The following PCSK5 variants were observed in gnomAD, a reference collection of about 807,000 sequenced individuals.
PCSK5 encodes proprotein convertase subtilisin/kexin type 5, also known as prohormone convertase 5.
In PCSK5, 129 loss-of-function variants were observed where a neutral mutation model predicts 233.2. The ratio of observed to expected loss-of-function variants is 0.55; its 90% CI spans 0.48 to 0.64. PCSK5 has a LOEUF of 0.64. Among genes scored for constraint, PCSK5 ranks in the 30% least tolerant of loss-of-function variants. The probability of loss-of-function intolerance (pLI) is 0.00; values close to 1 mark genes in which losing one functional copy is unlikely to be tolerated. For synonymous variants in PCSK5, 825 were observed against 879.2 expected (o/e 0.94, Z 1.09); for missense variants, 2,076 against 2,430.1 (o/e 0.85, Z 3.06).
Position 76,284,618 on chromosome 9 carries a change from C to T in PCSK5, c.3143-7615C>T, listed in dbSNP as rs554666492. Among the ~76,000 whole-genome samples the T allele has an allele frequency of 2.0e-4, 30 of 151,086 alleles. No individual in the cohort carries two copies. In the East Asian group the frequency reaches 2.1e-3, roughly 11 times the overall value. ...CGCGATCTCAGCTCACTGCAACCTC[C>T]GCCTCCTGGGTTCAAGTGATTCTCC... On this transcript the variant is annotated intron_variant, in intron 24 of 37. Transcript: ENST00000674117.
intron 9 of PCSK5, among the ~76,000 whole-genome samples, chr9:76,132,568 G>A (rs982702669): frequency 1.3e-5 from 2 of 152,038 alleles, no homozygotes; most frequent in African/African-American, 2.4e-5. Context: ...CAGAAAAAGT[G>A]TCAGAACTCA....
intron 20 of PCSK5, among the ~76,000 whole-genome samples, chr9:76,199,777 AATATATATAG>A (rs1418454340): frequency 6.6e-6 from 1 of 152,064 alleles, no homozygotes; most frequent in East Asian, 1.9e-4. Flanking sequence ...TGACTCTTAA[AATATATATAG>A]ATTCCTGATC....
In PCSK5 at chr9:76,358,724, C is replaced by T; in HGVS notation, c.5466C>T (p.Ser1822=). The T allele has an allele frequency of 6.2e-7, 1 of 1,612,818 alleles. No individual in the cohort carries two copies. Among genetic ancestry groups the T allele is most frequent in the Non-Finnish European group, 8.5e-7 (1 of 1,179,856 alleles). The change falls in exon 38 of 38, where the codon AGC becomes AGT. Residue 1822 remains serine (S), a synonymous_variant. Coordinates refer to ENST00000674117, the MANE Select transcript of PCSK5 (RefSeq NM_001372043.1). ...PNKSYSSYKS[S]YRESTSFEED... is the part of the protein sequence containing the mutation. ...AGTCTTACTCCTCCTATAAGAGCAG[C>T]TATAGAGAGAGCACCAGCTTTGAAG...
chr9:76,324,029 G>A (rs940883607), intron 32 of PCSK5, among the ~76,000 whole-genome samples: 7 of 150,984 alleles, frequency 4.6e-5, no homozygotes, highest in Admixed American at 4.6e-4. Context: ...GGGTTCAAGC[G>A]ATTTGCCTGC....
chr9:76,108,773 C>T (rs777105562), intron 9 of PCSK5, among the ~76,000 whole-genome samples: 9 of 152,116 alleles, frequency 5.9e-5, no homozygotes, highest in Non-Finnish European at 1.0e-4. Context: ...AAGAATCATG[C>T]TAGTTCATTC....
chr9:75,937,653 T>C (rs1297665685), intron 2 of PCSK5, among the ~76,000 whole-genome samples: 5 of 152,274 alleles, frequency 3.3e-5, no homozygotes, highest in Admixed American at 3.3e-4. Context: ...AGGTGGCATC[T>C]TCTTTCAACA....
At chr9:75,928,463 TTTC>T (rs1175762931) in intron 1 of PCSK5, among the ~76,000 whole-genome samples, 3 of 151,732 alleles carry the variant, frequency 2.0e-5, no homozygotes, top group African/African-American at 7.3e-5. Context: ...TTGTGACATT[TTTC>T]TTCTTAATAT....
At chr9:76,327,458 G>A (rs957783796) in intron 32 of PCSK5, among the ~76,000 whole-genome samples, 8 of 152,160 alleles carry the variant, frequency 5.3e-5, no homozygotes, top group African/African-American at 1.9e-4. Flanking sequence ...GAAGATAATT[G>A]TTATTTTCTT....
chr9:75,900,043 G>A (rs1191714437), intron 1 of PCSK5, among the ~76,000 whole-genome samples: 1 of 152,132 alleles, frequency 6.6e-6, no homozygotes, highest in Non-Finnish European at 1.5e-5. Context: ...CAGGTTGTGG[G>A]GCAGTAGAGA....
At chr9:75,893,563 T>C (rs1450454145) in intron 1 of PCSK5, among the ~76,000 whole-genome samples, 1 of 152,168 alleles carries the variant, frequency 6.6e-6, no homozygotes, top group African/African-American at 2.4e-5. Context: ...TGAGCAGAAC[T>C]GGTATATGAC....
chr9:76,258,290 C>T (rs1299228719), intron 24 of PCSK5, among the ~76,000 whole-genome samples: 1 of 152,188 alleles, frequency 6.6e-6, no homozygotes, highest in Non-Finnish European at 1.5e-5. Flanking sequence ...GGATCTTCCA[C>T]TGGAAAAATA....
At chr9:75,949,060 C>G (rs900319914) in intron 2 of PCSK5, among the ~76,000 whole-genome samples, 2 of 149,764 alleles carry the variant, frequency 1.3e-5, no homozygotes, top group African/African-American at 4.9e-5. Flanking sequence ...GAAAACTTAT[C>G]ACTAACACAT....
intron 3 of PCSK5, among the ~76,000 whole-genome samples, chr9:76,010,548 G>A (rs935905685): frequency 3.3e-5 from 5 of 152,144 alleles, no homozygotes; most frequent in Non-Finnish European, 5.9e-5. Context: ...GCATTTTTCT[G>A]CTGTGTTGAC....
intron 37 of PCSK5, among the ~76,000 whole-genome samples, chr9:76,356,944 G>A (rs1361443037): frequency 2.6e-5 from 4 of 152,108 alleles, no homozygotes; most frequent in Admixed American, 6.5e-5. Flanking sequence ...AAAACCTACC[G>A]TGTAACTCAG....
chr9:76,219,692 C>T (rs1197091571), intron 20 of PCSK5, among the ~76,000 whole-genome samples: 1 of 152,178 alleles, frequency 6.6e-6, no homozygotes. Context: ...GCGCTCTCAG[C>T]AGCGGCTTCC....
chr9:75,950,218 T>A (rs1394489421), intron 2 of PCSK5, among the ~76,000 whole-genome samples: 1 of 134,510 alleles, frequency 7.4e-6, no homozygotes, highest in Non-Finnish European at 1.7e-5. Context: ...TATTTATTTG[T>A]TTTTTTTTTT....
chr9:75,984,252 G>A lies in PCSK5; in HGVS notation c.298-1880G>A, dbSNP rs141983185. Among the ~76,000 whole-genome samples, 440 of 152,270 alleles carry A rather than the reference G, an allele frequency of 2.9e-3. 4 individuals carry two copies. The highest frequency in any genetic ancestry group is 9.2e-3 in the African/African-American group (381 of 41,550). On this transcript the variant is annotated intron_variant, in intron 2 of 37. Transcript: ENST00000674117. ...TTGTCTATTTGAATGTATGCATAGG[G>A]AGAAATGAATATTTATAGTGTCCTT... is the stretch of plus-strand genomic sequence containing the variant.
chr9:75,910,846 G>T (rs998813096), intron 1 of PCSK5, among the ~76,000 whole-genome samples: 8 of 152,182 alleles, frequency 5.3e-5, no homozygotes, highest in Non-Finnish European at 1.0e-4. Context: ...AGTTGTGAGA[G>T]AACTGGCTTC....
At chr9:76,151,035 T>A (rs1331391) in intron 10 of PCSK5, among the ~76,000 whole-genome samples, 24,485 of 149,606 alleles carry the variant, frequency 0.16, 2,256 homozygotes, top group East Asian at 0.31. Context: ...TATACTTAGG[T>A]GTTTACATTA....
Sources: allele counts gnomAD v4.1 joint callset (sites outside exome capture counted in the v4.1 genomes callset), GRCh38; gene constraint gnomAD v4.1.1; transcripts MANE v1.5; gene names NCBI Gene and HGNC (gene_info 2026-07-23, HGNC 2026-07-21).